Variants in TSHZ2 observed in about 807,000 individuals in gnomAD.
TSHZ2 encodes the protein teashirt homolog 2.
TSHZ2 carries 21 observed loss-of-function variants against 74.4 expected under a neutral mutation model. That is an observed-to-expected ratio of 0.28 (90% confidence interval 0.20 to 0.41). TSHZ2 has a LOEUF of 0.41. TSHZ2 is among the 10% of genes least tolerant of loss of function. The probability of loss-of-function intolerance (pLI) is 1.00; values close to 1 mark genes in which losing one functional copy is unlikely to be tolerated. For synonymous variants in TSHZ2, 540 were observed against 515.3 expected (o/e 1.05, Z -0.65); for missense variants, 1,244 against 1,293.5 (o/e 0.96, Z 0.59).
chr20:52,988,042 G>T (rs1340303726), intron 1 of TSHZ2, among the ~76,000 whole-genome samples: 1 of 151,094 alleles, frequency 6.6e-6, no homozygotes, highest in African/African-American at 2.4e-5. Context: ...CATTTCCTTT[G>T]TTCTTTCCTG....
In TSHZ2 at chr20:53,224,845, A is replaced by C. The variant is rs1488527772; in HGVS notation, c.41-28654A>C. Among the ~76,000 whole-genome samples the C allele has an allele frequency of 5.0e-5, 7 of 141,230 alleles. No individual in the cohort carries two copies. The South Asian group carries it at 9.3e-4, about 19-fold the overall frequency. 92.7% of individuals were successfully genotyped at this position (141,230 alleles called of 152,430 possible). A position where few individuals can be genotyped will look rare whatever the true frequency, so the allele number is the denominator to read the frequency against. On this transcript the variant is annotated intron_variant, in intron 1 of 2. Transcript: ENST00000371497. ...AGCCTGGGTGACAGAGCAAGACTCC[A>C]TCTCAAAAAAAAAAAAAAAAAAAAA... is the stretch of plus-strand genomic sequence containing the variant.
chr20:52,974,282 T>G (rs776213742), intron 1 of TSHZ2, among the ~76,000 whole-genome samples: 2 of 152,188 alleles, frequency 1.3e-5, no homozygotes, highest in Non-Finnish European at 2.9e-5. Context: ...ATTTGACATT[T>G]GATTGATCAC....
chr20:53,113,385 A>G (rs1191056100), intron 1 of TSHZ2, among the ~76,000 whole-genome samples: 1 of 152,144 alleles, frequency 6.6e-6, no homozygotes, highest in East Asian at 1.9e-4. Flanking sequence ...TCTCCCTGAA[A>G]TAGTTTTGTG....
At chr20:53,183,668 A>G (rs776751322) in intron 1 of TSHZ2, among the ~76,000 whole-genome samples, 1 of 152,216 alleles carries the variant, frequency 6.6e-6, no homozygotes, top group African/African-American at 2.4e-5. Context: ...GTTTCCTGGA[A>G]TGCAGGATAA....
Position 53,238,458 on chromosome 20 carries a change from C to A in TSHZ2, c.41-15041C>A, listed in dbSNP as rs116222432. On this transcript the variant is annotated intron_variant, in intron 1 of 2. Coordinates refer to ENST00000371497, the MANE Select transcript of TSHZ2 (RefSeq NM_173485.6). ...CATTTCCACCTTTGAGTCATAGGTTCAGAATTCACATTCCATGGAGCAAGA... is the reference window on the plus strand; with the variant it reads ...CATTTCCACCTTTGAGTCATAGGTTAAGAATTCACATTCCATGGAGCAAGA... Among the ~76,000 whole-genome samples, 1,163 of 152,138 alleles carry A rather than the reference C, an allele frequency of 7.6e-3. 10 individuals carry two copies. The highest frequency in any genetic ancestry group is 0.027 in the African/African-American group (1,127 of 41,488).
At chr20:53,286,552 A>G (rs776333482) in intron 2 of TSHZ2, among the ~76,000 whole-genome samples, 2 of 152,038 alleles carry the variant, frequency 1.3e-5, no homozygotes, top group Non-Finnish European at 2.9e-5. Flanking sequence ...CTTCTCTCCA[A>G]CTTGAATTCT....
At chr20:53,471,172 G>A (rs1985786301) in intron 2 of TSHZ2, among the ~76,000 whole-genome samples, 1 of 152,050 alleles carries the variant, frequency 6.6e-6, no homozygotes, top group African/African-American at 2.4e-5. Context: ...GCTCTAAGTT[G>A]TTTCTTTCAT....
intron 1 of TSHZ2, among the ~76,000 whole-genome samples, chr20:53,214,155 GA>G (rs1450148534): frequency 6.6e-6 from 1 of 152,092 alleles, no homozygotes; most frequent in Non-Finnish European, 1.5e-5. Context: ...AATATTTATT[GA>G]AATACTTACA....
chr20:53,285,343 T>C (rs796623174), intron 2 of TSHZ2, among the ~76,000 whole-genome samples: 19 of 152,258 alleles, frequency 1.2e-4, no homozygotes, highest in African/African-American at 4.3e-4. Context: ...AAAATGAAAA[T>C]AAAATTTAGA....
At chr20:53,087,140 C>T (rs1035058957) in intron 1 of TSHZ2, among the ~76,000 whole-genome samples, 6 of 152,134 alleles carry the variant, frequency 3.9e-5, no homozygotes, top group South Asian at 4.2e-4. Context: ...ACCTTTTGCC[C>T]TTTCTTGAGC....
At chr20:53,288,893 T>C (rs2145452242) in intron 2 of TSHZ2, among the ~76,000 whole-genome samples, 1 of 152,252 alleles carries the variant, frequency 6.6e-6, no homozygotes, top group South Asian at 2.1e-4. Flanking sequence ...AATGGTGATT[T>C]CCAAGATTTC....
At chr20:53,390,561 A>G (rs1982212514) in intron 2 of TSHZ2, among the ~76,000 whole-genome samples, 1 of 152,224 alleles carries the variant, frequency 6.6e-6, no homozygotes, top group African/African-American at 2.4e-5. Flanking sequence ...GGCACAAGAG[A>G]GCAAGAAAGT....
chr20:53,076,466 A>G (rs1985366521), intron 1 of TSHZ2, among the ~76,000 whole-genome samples: 1 of 152,226 alleles, frequency 6.6e-6, no homozygotes, highest in Non-Finnish European at 1.5e-5. Flanking sequence ...AGAGCTCACA[A>G]TCTAGTGGGG....
intron 1 of TSHZ2, among the ~76,000 whole-genome samples, chr20:53,079,362 G>A (rs770069420): frequency 3.2e-4 from 48 of 152,200 alleles, no homozygotes; most frequent in Non-Finnish European, 6.6e-4. Context: ...ACAACAGTGT[G>A]CATATCTCAT....
At chr20:53,364,324 A>G (rs1284015001) in intron 2 of TSHZ2, among the ~76,000 whole-genome samples, 2 of 152,170 alleles carry the variant, frequency 1.3e-5, no homozygotes, top group African/African-American at 4.8e-5. Context: ...GCTAGCAACA[A>G]GGCAAAGCTC....
chr20:53,317,883 T>A (rs1295856826), intron 2 of TSHZ2, among the ~76,000 whole-genome samples: 11 of 152,210 alleles, frequency 7.2e-5, no homozygotes, highest in Admixed American at 5.9e-4. Context: ...GAGTCCCTAC[T>A]TTGGGTCAGC....
chr20:53,106,467 C>T (rs148683662), intron 1 of TSHZ2, among the ~76,000 whole-genome samples: 10,004 of 128,874 alleles, frequency 0.078, 414 homozygotes, highest in Non-Finnish European at 0.1. Context: ...TGCAGTGGCA[C>T]GATCTTGGCT....
At chr20:52,980,426 AG>A (rs1479658020) in intron 1 of TSHZ2, among the ~76,000 whole-genome samples, 1,818 of 151,796 alleles carry the variant, frequency 0.012, 37 homozygotes, top group African/African-American at 0.041. Flanking sequence ...GTGGGTTTGA[AG>A]AAAAAAAAAA....
chr20:53,246,890 C>A (rs144933758), intron 1 of TSHZ2, among the ~76,000 whole-genome samples: 1 of 152,316 alleles, frequency 6.6e-6, no homozygotes, highest in African/African-American at 2.4e-5. Context: ...ACGGACCCCA[C>A]CTGGTATGCA....
Sources: gnomAD v4.1 joint callset for allele counts (sites outside exome capture counted in the v4.1 genomes callset) on GRCh38, gnomAD v4.1.1 for gene constraint, MANE v1.5 for transcripts, NCBI Gene and HGNC (gene_info 2026-07-23, HGNC 2026-07-21) for gene names.